Variants in ZPBP observed in about 807,000 individuals in gnomAD.
ZPBP encodes the protein zona pellucida-binding protein 1.
In ZPBP, 26 loss-of-function variants were observed where a neutral mutation model predicts 44.8. That is an observed-to-expected ratio of 0.58 (90% CI 0.43 to 0.81). The LOEUF (loss-of-function observed/expected upper bound fraction) is 0.81, where lower values mean the gene tolerates loss of function less well. Ranked by LOEUF, ZPBP falls within the 30% of genes least tolerant of loss-of-function variation. The pLI is 0.00. For synonymous variants in ZPBP, 174 were observed against 153.2 expected, an observed-to-expected ratio of 1.14 and a Z score of -1.00; for missense variants, 409 against 434.0, an observed-to-expected ratio of 0.94 and a Z score of 0.51.
chr7:50,058,176 A>G, intron 3 of ZPBP, 35 bp from the exon 4 acceptor site: 1 of 1,609,572 alleles, frequency 6.2e-7, no homozygotes, highest in African/African-American at 1.3e-5. Flanking sequence ...AGTTGCTTAA[A>G]TTACATGAGA....
chr7:50,027,700 A>G (rs1480730976), intron 5 of ZPBP, among the ~76,000 whole-genome samples: 1 of 152,002 alleles, frequency 6.6e-6, no homozygotes, highest in Non-Finnish European at 1.5e-5. Flanking sequence ...AATAAAATTG[A>G]CAAACATTCA....
intron 6 of ZPBP, among the ~76,000 whole-genome samples, chr7:49,990,413 A>AGGGAT (rs1797511691): frequency 2.6e-5 from 4 of 152,318 alleles, no homozygotes; most frequent in African/African-American, 9.6e-5. Context: ...TGAAAGAAAG[A>AGGGAT]GGGATGCCTC....
chr7:49,844,121 A>G, the ZPBP span, among the ~76,000 whole-genome samples: 1 of 152,164 alleles, frequency 6.6e-6, no homozygotes, highest in Admixed American at 6.5e-5. Flanking sequence ...TGAATGTGTG[A>G]TGTTTCACCT....
At chr7:49,971,128 G>C (rs1025069585) in intron 7 of ZPBP, among the ~76,000 whole-genome samples, 3 of 151,998 alleles carry the variant, frequency 2.0e-5, no homozygotes, top group African/African-American at 7.2e-5. Flanking sequence ...AAAGACTTAT[G>C]CCATCCAGCA....
intron 3 of ZPBP, among the ~76,000 whole-genome samples, chr7:50,068,021 G>A (rs116095535): frequency 2.0e-5 from 3 of 152,172 alleles, no homozygotes; most frequent in African/African-American, 4.8e-5. Context: ...GAAAAGCTTA[G>A]TTAGTTAGAT....
rs141548844 is a variant in ZPBP at position 49,872,302 on chromosome 7, T to C, written n.510-21788A>G. Among the ~76,000 whole-genome samples the C allele has an allele frequency of 4.6e-3, 694 of 152,114 alleles. 4 individuals are homozygous for C. The highest frequency in any genetic ancestry group is 0.016 in the African/African-American group (657 of 41,498). On this transcript the variant is annotated intron_variant and non_coding_transcript_variant, in intron 2 of 2. Coordinates refer to the ZPBP transcript ENST00000465922. ...GATTTTTGAGAAAAAAGTTAAAACA[T>C]GAAAGGTCTTGGATTTAATGTGTCC...
At chr7:49,941,693 A>C (rs941902826) in intron 7 of ZPBP, among the ~76,000 whole-genome samples, 5 of 152,188 alleles carry the variant, frequency 3.3e-5, no homozygotes, top group African/African-American at 1.2e-4. Context: ...ACACAATATT[A>C]AAGTGTTAAC....
chr7:49,949,575 A>G (rs1795245122), intron 7 of ZPBP, among the ~76,000 whole-genome samples: 1 of 152,078 alleles, frequency 6.6e-6, no homozygotes, highest in South Asian at 2.1e-4. Flanking sequence ...TATCTAGAGT[A>G]GTCACATTTA....
Position 49,975,526 on chromosome 7 carries a change from T to C in ZPBP, c.961+7816A>G, listed in dbSNP as rs372561623. Among the ~76,000 whole-genome samples, 95 of 152,318 alleles carry C rather than the reference T, an allele frequency of 6.2e-4. 1 individual carries two copies. Among genetic ancestry groups the C allele is most frequent in the African/African-American group, 2.0e-3 (84 of 41,576 alleles). On this transcript the variant is annotated intron_variant, in intron 7 of 7. Transcript: ENST00000046087. ...CTTTCACACAATTTTCCACTGGACC[T>C]CATCATGTGGGCTACTGCCCATCTT...
chr7:49,978,956 A>T (rs1796652643), intron 7 of ZPBP, among the ~76,000 whole-genome samples: 1 of 152,104 alleles, frequency 6.6e-6, no homozygotes, highest in South Asian at 2.1e-4. Context: ...AGGAATGATA[A>T]CACAAAGATA....
chr7:50,082,475 G>T (rs965878443), intron 2 of ZPBP, among the ~76,000 whole-genome samples: 1 of 151,638 alleles, frequency 6.6e-6, no homozygotes, highest in Non-Finnish European at 1.5e-5. Flanking sequence ...TATCCTTTAG[G>T]AGATACAAAA....
At chr7:50,037,069 A>G (rs1799860765) in intron 4 of ZPBP, among the ~76,000 whole-genome samples, 1 of 152,126 alleles carries the variant, frequency 6.6e-6, no homozygotes, top group Non-Finnish European at 1.5e-5. Flanking sequence ...GGAGAGTTGG[A>G]TTAAAACTAT....
intron 1 of ZPBP, chr7:49,912,250 G>T (rs1301579640): frequency 1.9e-6 from 3 of 1,548,354 alleles, no homozygotes; most frequent in South Asian, 1.2e-5. Context: ...CATTCTAGAT[G>T]ACTCTGGGAA....
At chr7:49,925,969 T>C (rs893732795) in intron 1 of ZPBP, among the ~76,000 whole-genome samples, 1 of 152,364 alleles carries the variant, frequency 6.6e-6, no homozygotes, top group South Asian at 2.1e-4. Context: ...TGTCAGCGAA[T>C]GTAGCTTACT....
intron 2 of ZPBP, among the ~76,000 whole-genome samples, chr7:50,085,950 T>C (rs1001259092): frequency 1.3e-5 from 2 of 152,066 alleles, no homozygotes; most frequent in East Asian, 1.9e-4. Context: ...TTGGCTGAAA[T>C]TGAGGTTCTG....
chr7:49,972,512 G>A (rs185879199), intron 7 of ZPBP, among the ~76,000 whole-genome samples: 1 of 152,072 alleles, frequency 6.6e-6, no homozygotes, highest in African/African-American at 2.4e-5. Context: ...CAAGGCTTAG[G>A]AATAAATGTA....
the ZPBP span, among the ~76,000 whole-genome samples, chr7:49,843,472 A>G: frequency 1.3e-5 from 2 of 152,220 alleles, no homozygotes; most frequent in Non-Finnish European, 2.9e-5. Flanking sequence ...ACCATTAATG[A>G]GTTTGGACAG....
chr7:50,034,830 C>T (rs192938271), intron 4 of ZPBP, among the ~76,000 whole-genome samples: 2 of 152,286 alleles, frequency 1.3e-5, no homozygotes, highest in East Asian at 3.9e-4. Flanking sequence ...TCCAAATCTC[C>T]CCAAAGCTAC....
chr7:49,904,032 C>G (rs1792940933), intron 1 of ZPBP, among the ~76,000 whole-genome samples: 1 of 152,098 alleles, frequency 6.6e-6, no homozygotes, highest in South Asian at 2.1e-4. Context: ...TGTAAATGAA[C>G]TCTCCCCTTG....
Sources: allele counts gnomAD v4.1 joint callset (sites outside exome capture counted in the v4.1 genomes callset), GRCh38; gene constraint gnomAD v4.1.1; transcripts MANE v1.5; gene names NCBI Gene and HGNC (gene_info 2026-07-23, HGNC 2026-07-21).